KCNN4: variants seen among roughly 807,000 people sequenced by gnomAD.
The protein encoded by KCNN4 is intermediate conductance calcium-activated potassium channel protein 4.
In KCNN4, 31 loss-of-function variants were observed where a neutral mutation model predicts 45.2. That is an observed-to-expected ratio of 0.69 (90% CI 0.52 to 0.92). The LOEUF is 0.92. KCNN4 is among the 40% of genes least tolerant of loss of function. The probability of loss-of-function intolerance (pLI) is 0.00; values close to 1 mark genes in which losing one functional copy is unlikely to be tolerated. For missense variants in KCNN4, 463 were observed against 574.0 expected (o/e 0.81, Z 1.98); for synonymous variants, 231 against 254.6 (o/e 0.91, Z 0.88).
intron 7 of KCNN4, among the ~76,000 whole-genome samples, chr19:43,768,593 T>C (rs1350873757): frequency 6.6e-6 from 1 of 152,236 alleles, no homozygotes; most frequent in Non-Finnish European, 1.5e-5. Flanking sequence ...TTTAATTGTA[T>C]TGGTTTTGCC....
chr19:43,770,822 C>T (rs1969622585), intron 4 of KCNN4, among the ~76,000 whole-genome samples: 2 of 152,188 alleles, frequency 1.3e-5, no homozygotes, highest in African/African-American at 4.8e-5. Flanking sequence ...AGGCTGTGAG[C>T]TCAAGTGCAC....
chr19:43,773,497 T>C (rs1367371930), intron 3 of KCNN4, among the ~76,000 whole-genome samples: 1 of 152,128 alleles, frequency 6.6e-6, no homozygotes, highest in Non-Finnish European at 1.5e-5. Flanking sequence ...CTTGCTAAAG[T>C]GGATTGCTGG....
chr19:43,780,929 G>C lies in KCNN4; in HGVS notation c.-68C>G, dbSNP rs1969970984. On this transcript the variant is annotated 5_prime_UTR_variant, in exon 1 of 9. Coordinates refer to ENST00000648319, the MANE Select transcript of KCNN4 (RefSeq NM_002250.3). ...TCCCCCACCTCGCAGCACGCACAGG[G>C]CAGCCACTGTGGCTTGCAGGTCGTC... The C allele has an allele frequency of 1.4e-5, 21 of 1,529,480 alleles. No homozygotes were observed. Among genetic ancestry groups the C allele is most frequent in the African/African-American group, 1.4e-5 (1 of 73,394 alleles). The allele number at this position is 1,529,480 out of a possible 1,614,324, so 94.7% of individuals were successfully genotyped here.
chr19:43,772,216 C>T lies in KCNN4; in HGVS notation c.684-81G>A. ...TCACTCCCCTTCCCTCTATACCCTC[C>T]CATCCCCTTCCCTCTGGTTCCCTCC... On this transcript the variant is annotated intron_variant, in intron 3 of 8. Coordinates refer to ENST00000648319, the MANE Select transcript of KCNN4 (RefSeq NM_002250.3). This position sits in a 1 kb window ranked among gnomAD's most constrained non-coding sequence, Gnocchi z 4.4. 6.7e-7 allele frequency: 1 copy of T among 1,489,790 alleles called. No homozygotes were observed. The highest frequency in any genetic ancestry group is 1.2e-5 in the South Asian group (1 of 82,194). 92.3% of individuals were successfully genotyped at this position (1,489,790 alleles called of 1,614,324 possible). A position where few individuals can be genotyped will look rare whatever the true frequency, so the allele number is the denominator to read the frequency against.
chr19:43,772,283 G>C lies in KCNN4; in HGVS notation c.684-148C>G. On this transcript the variant is annotated intron_variant, in intron 3 of 8. Transcript: ENST00000648319. The surrounding 1 kb of genome is among the most constrained non-coding windows in gnomAD (Gnocchi z 4.4). ...ACACCCATAGTCCTAAGAATCACCT[G>C]GACAAAAAGCCATTAAGTTCTGAGC... The C allele has an allele frequency of 1.2e-6, 1 of 859,806 alleles. No homozygotes were observed. The highest frequency in any genetic ancestry group is 1.7e-6 in the Non-Finnish European group (1 of 587,422). 53.3% of individuals were successfully genotyped at this position (859,806 alleles called of 1,614,324 possible).
rs368713641 is a variant in KCNN4 at position 43,772,414 on chromosome 19, C to G, written c.684-279G>C. On this transcript the variant is annotated intron_variant, in intron 3 of 8. Transcript: ENST00000648319. The surrounding 1 kb of genome is among the most constrained non-coding windows in gnomAD (Gnocchi z 4.4). ...TGGCCAATCCCAATGCCGGTATGGTCTCAGCTAGGCTACCCGGGCTGCTGT... is the reference window on the plus strand; with the variant it reads ...TGGCCAATCCCAATGCCGGTATGGTGTCAGCTAGGCTACCCGGGCTGCTGT... Among the ~76,000 whole-genome samples the G allele has an allele frequency of 3.3e-5, 5 of 152,284 alleles. No individual in the cohort carries two copies. Among genetic ancestry groups the G allele is most frequent in the African/African-American group, 1.2e-4 (5 of 41,548 alleles).
At position 43,774,607 on chromosome 19, in the gene KCNN4, C is replaced by G. The variant is rs201871514; in HGVS notation, c.268G>C (p.Asp90His). 1 of 1,500,882 alleles carries G rather than the reference C, an allele frequency of 6.7e-7. No individual in the cohort carries two copies. The highest frequency in any genetic ancestry group is 8.8e-7 in the Non-Finnish European group (1 of 1,134,308). The allele number at this position is 1,500,882 out of a possible 1,614,324, so 93.0% of individuals were successfully genotyped here. Residue 90 changes from aspartate (D) to histidine (H), a missense_variant, in exon 3 of 9, where the codon GAC (aspartate) becomes CAC (histidine). By Grantham distance (81) the Asp-to-His change is moderately conservative. Around this residue, in one of 3 missense-constraint regions of KCNN4, gnomAD observed 225 missense variants for 240.9 expected, o/e 0.93. Transcript: ENST00000648319. This position sits in a 1 kb window ranked among gnomAD's most constrained non-coding sequence, Gnocchi z 5.6. ...HAKEVQLFMT[D>H]NGLRDWRVAL... is the part of the protein sequence containing the mutation. ...ACGCGCCAGTCCCGCAGCCCGTTGT[C>G]GGTCATGAACAGCTGCCGGTAGGGG...
Position 43,769,904 on chromosome 19 carries a change from A to AT in KCNN4, c.820-76_820-75insA. Reference sequence around the variant, plus strand: ...CCTTGAACCCGCCCAACAGCCACAGACGGTAGGCACGACCATCCCCAGTTA... The same window carrying AT: ...CCTTGAACCCGCCCAACAGCCACAGATCGGTAGGCACGACCATCCCCAGTTA... On this transcript the variant is annotated intron_variant, in intron 4 of 8. Coordinates refer to ENST00000648319, the MANE Select transcript of KCNN4 (RefSeq NM_002250.3). This position sits in a 1 kb window ranked among gnomAD's most constrained non-coding sequence, Gnocchi z 4.4. 2.1e-6 allele frequency: 2 copies of AT among 954,464 alleles called. No individual in the cohort carries two copies. The highest frequency in any genetic ancestry group is 1.4e-5 in the South Asian group (1 of 70,454). The allele number at this position is 954,464 out of a possible 1,614,324, so 59.1% of individuals were successfully genotyped here.
At chr19:43,780,567 C>T (rs1439022534) in intron 1 of KCNN4, 136 bp downstream of exon 1, 1 of 705,132 alleles carries the variant, frequency 1.4e-6, no homozygotes, top group Admixed American at 3.3e-5. Flanking sequence ...GGAGTCCTGA[C>T]CCTCAGCCCC....
Position 43,767,681 on chromosome 19 carries a change from C to T in KCNN4, c.1146G>A (p.Gln382=), listed in dbSNP as rs1361012112. ...CCCGGTGTGAGCTGCTCAGATTCTG[C>T]TGCAGGTCATACAGGATCATGTGCA... ...SKMHMILYDL[Q]QNLSSSHRAL... is the part of the protein sequence containing the mutation. The change falls in exon 8 of 9, where the codon CAG becomes CAA. Residue 382 remains glutamine (Q), a synonymous_variant. Transcript: ENST00000648319. 1 of 1,614,028 alleles carries T rather than the reference C, an allele frequency of 6.2e-7. No individual in the cohort carries two copies. The highest frequency in any genetic ancestry group is 8.5e-7 in the Non-Finnish European group (1 of 1,180,028).
chr19:43,767,246 C>T (rs1281370437), intron 8 of KCNN4, 157 bp from the exon 9 acceptor site: 8 of 367,470 alleles, frequency 2.2e-5, no homozygotes, highest in Non-Finnish European at 3.6e-5. Flanking sequence ...GGCATTTAGA[C>T]AGAGACATTG....
In KCNN4 at chr19:43,769,448, A is replaced by G. The variant is rs1969577630; in HGVS notation, c.1043T>C (p.Ile348Thr). The change falls in exon 6 of 9, where the codon ATC becomes ACC. Residue 348 changes from isoleucine (I) to threonine (T), a missense_variant. This residue lies in a region of KCNN4 where 129 missense variants were observed against 149.4 expected (regional missense o/e 0.86). Transcript: ENST00000648319. The surrounding 1 kb of genome is among the most constrained non-coding windows in gnomAD (Gnocchi z 4.4). ...CATACAAAGCGGCCCTCACGCGTTG[A>G]TGGCGGCCAGCAGCTTGCGCTGATG... ...RRHQRKLLAA[I>T]NAFRQVRLKH... The G allele has an allele frequency of 1.9e-6, 3 of 1,613,830 alleles. No individual in the cohort carries two copies. In the East Asian group the frequency reaches 6.7e-5, roughly 36 times the overall value.
In KCNN4 at chr19:43,769,453, G is replaced by A. The variant is rs144044337; in HGVS notation, c.1038C>T (p.Ala346=). The change falls in exon 6 of 9, where the codon GCC becomes GCT. Residue 346 remains alanine, a synonymous_variant. Coordinates refer to ENST00000648319, the MANE Select transcript of KCNN4 (RefSeq NM_002250.3). This position sits in a 1 kb window ranked among gnomAD's most constrained non-coding sequence, Gnocchi z 4.4. Reference sequence around the variant, plus strand: ...AAAGCGGCCCTCACGCGTTGATGGCGGCCAGCAGCTTGCGCTGATGCCTGC... The same window carrying A: ...AAAGCGGCCCTCACGCGTTGATGGCAGCCAGCAGCTTGCGCTGATGCCTGC... ...AARRHQRKLL[A]AINAFRQVRL... The A allele has an allele frequency of 4.5e-4, 725 of 1,614,064 alleles. No homozygotes were observed. Among genetic ancestry groups the A allele is most frequent in the South Asian group, 8.1e-4 (74 of 91,078 alleles).
Position 43,780,958 on chromosome 19 carries a change from C to G in KCNN4, c.-97G>C. ...CCACTGTGGCTTGCAGGTCGTCAGCCTGCTCTGCTGGCTCTGGGACTTTTG... is the reference window on the plus strand; with the variant it reads ...CCACTGTGGCTTGCAGGTCGTCAGCGTGCTCTGCTGGCTCTGGGACTTTTG... On this transcript the variant is annotated 5_prime_UTR_variant, in exon 1 of 9. Coordinates refer to ENST00000648319, the MANE Select transcript of KCNN4 (RefSeq NM_002250.3). 1 of 1,259,552 alleles carries G rather than the reference C, an allele frequency of 7.9e-7. No individual in the cohort carries two copies. The highest frequency in any genetic ancestry group is 1.1e-6 in the Non-Finnish European group (1 of 887,538). 78.0% of individuals were successfully genotyped at this position (1,259,552 alleles called of 1,614,324 possible).
chr19:43,767,139 T>A, intron 8 of KCNN4, 50 bp from the exon 9 acceptor site: 1 of 186,130 alleles, frequency 5.4e-6, no homozygotes, highest in South Asian at 1.0e-4. Flanking sequence ...AGAGGGAGAG[T>A]GAGAGTGGGA....
chr19:43,777,070 C>T (rs1473837302), intron 1 of KCNN4, among the ~76,000 whole-genome samples: 3 of 152,028 alleles, frequency 2.0e-5, no homozygotes, highest in Non-Finnish European at 2.9e-5. Context: ...GGCAACAGAG[C>T]GAGTCTCCGT....
chr19:43,767,918 C>T (rs768120882), intron 7 of KCNN4, among the ~76,000 whole-genome samples: 8 of 152,180 alleles, frequency 5.3e-5, no homozygotes, highest in Admixed American at 1.3e-4. Context: ...TCCCAAAAGC[C>T]ACAGGGAGTG....
intron 1 of KCNN4, among the ~76,000 whole-genome samples, chr19:43,780,452 C>CAAG (rs1568396899): frequency 3.2e-4 from 44 of 139,444 alleles, no homozygotes; most frequent in Admixed American, 7.1e-4. Context: ...CCCAGGAGTC[C>CAAG]TGACCCCCAG....
rs771496128 is a variant in KCNN4 at position 43,769,367 on chromosome 19, A to G, written c.1049+75T>C. The G allele has an allele frequency of 4.1e-5, 49 of 1,205,964 alleles. No homozygotes were observed. The highest frequency in any genetic ancestry group is 5.6e-5 in the Non-Finnish European group (46 of 819,886). The allele number at this position is 1,205,964 out of a possible 1,614,324, so 74.7% of individuals were successfully genotyped here. ...CTGACCTGGACAGGCATGGACATGC[A>G]CACACACAGCCGTGCAGAGAGGTGA... On this transcript the variant is annotated intron_variant, in intron 6 of 8. Coordinates refer to ENST00000648319, the MANE Select transcript of KCNN4 (RefSeq NM_002250.3). This position sits in a 1 kb window ranked among gnomAD's most constrained non-coding sequence, Gnocchi z 4.4.
Sources: allele counts gnomAD v4.1 joint callset (sites outside exome capture counted in the v4.1 genomes callset), GRCh38; gene constraint gnomAD v4.1.1; regional missense constraint gnomAD v4.1.1; non-coding constraint Gnocchi (gnomAD v3.1); transcripts MANE v1.5; gene names NCBI Gene and HGNC (gene_info 2026-07-23, HGNC 2026-07-21).